Variants in GDAP2 observed in about 807,000 individuals in gnomAD.
The protein encoded by GDAP2 is ganglioside induced differentiation associated protein 2.
GDAP2 carries 51 observed loss-of-function variants against 67.0 expected under a neutral mutation model. The observed-to-expected ratio is 0.76, with a 90% CI of 0.61 to 0.96. The LOEUF (loss-of-function observed/expected upper bound fraction) is 0.96, where lower values mean the gene tolerates loss of function less well. Among genes scored for constraint, GDAP2 ranks in the 40% least tolerant of loss-of-function variants. The pLI is 0.00. For synonymous variants in GDAP2, 203 were observed against 207.3 expected, an observed-to-expected ratio of 0.98 and a Z score of 0.18; for missense variants, 547 against 588.3, an observed-to-expected ratio of 0.93 and a Z score of 0.73.
intron 9 of GDAP2, among the ~76,000 whole-genome samples, chr1:117,887,450 G>A (rs896412951): frequency 1.3e-5 from 2 of 152,242 alleles, no homozygotes; most frequent in Middle Eastern, 3.4e-3. Flanking sequence ...TTTAAAAGCA[G>A]AAACATTTTT....
chr1:117,890,159 T>C (rs1649018361), intron 8 of GDAP2, among the ~76,000 whole-genome samples: 1 of 152,010 alleles, frequency 6.6e-6, no homozygotes, highest in Non-Finnish European at 1.5e-5. Flanking sequence ...CAAATATGTA[T>C]GCTGAGAAGG....
At chr1:117,906,964 TA>T (rs1649679375) in intron 5 of GDAP2, among the ~76,000 whole-genome samples, 2 of 152,196 alleles carry the variant, frequency 1.3e-5, no homozygotes, top group Non-Finnish European at 2.9e-5. Flanking sequence ...TTATCCAGTA[TA>T]TTCTTCTTAT....
At chr1:117,915,222 A>G (rs980493343) in intron 3 of GDAP2, among the ~76,000 whole-genome samples, 1 of 152,246 alleles carries the variant, frequency 6.6e-6, no homozygotes, top group East Asian at 1.9e-4. Context: ...TGACTCCATT[A>G]GACATAATGT....
intron 3 of GDAP2, among the ~76,000 whole-genome samples, chr1:117,914,819 A>C (rs1649994439): frequency 6.6e-6 from 1 of 152,214 alleles, no homozygotes; most frequent in African/African-American, 2.4e-5. Context: ...TTTCTAAGCA[A>C]ATTACCAATT....
intron 10 of GDAP2, among the ~76,000 whole-genome samples, chr1:117,885,986 T>G (rs1648839527): frequency 1.3e-5 from 2 of 152,194 alleles, no homozygotes; most frequent in African/African-American, 4.8e-5. Context: ...AATAGATTAA[T>G]GGGTGTGATC....
chr1:117,873,038 T>C (rs936872216), intron 13 of GDAP2, among the ~76,000 whole-genome samples: 3 of 152,094 alleles, frequency 2.0e-5, no homozygotes, highest in Admixed American at 6.6e-5. Context: ...TTTTTCTAAG[T>C]TTTTCACACC....
intron 3 of GDAP2, among the ~76,000 whole-genome samples, chr1:117,914,990 CTG>C (rs1557808774): frequency 6.6e-6 from 1 of 151,996 alleles, no homozygotes; most frequent in Non-Finnish European, 1.5e-5. Context: ...AGAACAGTAA[CTG>C]TGCAGCAGGC....
At chr1:117,877,925 A>T in intron 13 of GDAP2, 84 bp downstream of exon 13, 2 of 1,481,324 alleles carry the variant, frequency 1.4e-6, no homozygotes, top group Non-Finnish European at 1.8e-6. Context: ...TCTGGTAATG[A>T]CAGGATGTTG....
chr1:117,926,735 A>T (rs1435089813), intron 1 of GDAP2, among the ~76,000 whole-genome samples: 1 of 152,184 alleles, frequency 6.6e-6, no homozygotes, highest in Non-Finnish European at 1.5e-5. Flanking sequence ...ATCACATGAA[A>T]GATACAGATC....
chr1:117,887,965 A>G (rs1648925455), intron 8 of GDAP2, among the ~76,000 whole-genome samples, 191 bp from the exon 9 acceptor site: 1 of 152,140 alleles, frequency 6.6e-6, no homozygotes, highest in Admixed American at 6.6e-5. Context: ...AATAAACACA[A>G]ATGAATTATT....
At chr1:117,912,776 C>T in intron 3 of GDAP2, 93 bp from the exon 4 acceptor site, 1 of 1,111,296 alleles carries the variant, frequency 9.0e-7, no homozygotes, top group Non-Finnish European at 1.3e-6. Context: ...GTATTGAGAA[C>T]TTTGAGAAAT....
In GDAP2 at chr1:117,878,035, G is replaced by C. The variant is rs1364074663; in HGVS notation, c.1420C>G (p.Pro474Ala). ...CTGGCATCATATTCAAGGACAAAAG[G>C]AGGAAAGTCAATCTGTTCTGGTGAT... The part of the protein sequence containing the change: ...AISPEQIDFP[P>A]FVLEYDAREN... The change falls in exon 13 of 14, where the codon CCT becomes GCT. Residue 474 changes from proline (P) to alanine (A), a missense_variant. Coordinates refer to ENST00000369443, the MANE Select transcript of GDAP2 (RefSeq NM_017686.4). The C allele has an allele frequency of 6.2e-7, 1 of 1,612,876 alleles. No homozygotes were observed. The highest frequency in any genetic ancestry group is 8.5e-7 in the Non-Finnish European group (1 of 1,178,970).
intron 8 of GDAP2, among the ~76,000 whole-genome samples, chr1:117,889,783 T>A (rs1649003355): frequency 6.6e-6 from 1 of 152,136 alleles, no homozygotes; most frequent in Non-Finnish European, 1.5e-5. Flanking sequence ...TACTAATTGT[T>A]TATAATGAGA....
At chr1:117,886,463 T>C in intron 10 of GDAP2, 114 bp downstream of exon 10, 1 of 658,736 alleles carries the variant, frequency 1.5e-6, no homozygotes, top group Non-Finnish European at 2.8e-6. Context: ...TGCTCCTCTG[T>C]CAGTGATACA....
intron 9 of GDAP2, among the ~76,000 whole-genome samples, chr1:117,887,486 AG>A (rs1300823604): frequency 6.6e-6 from 1 of 152,194 alleles, no homozygotes; most frequent in East Asian, 1.9e-4. Flanking sequence ...CATGAAATAA[AG>A]TTGGCCAATG....
chr1:117,873,027 T>G (rs1288172162), intron 13 of GDAP2, among the ~76,000 whole-genome samples: 1 of 152,124 alleles, frequency 6.6e-6, no homozygotes, highest in Non-Finnish European at 1.5e-5. Flanking sequence ...CTATTACCAA[T>G]TTTTTCTAAG....
At position 117,912,710 on chromosome 1, in the gene GDAP2, T is replaced by A. The variant is rs752068461; in HGVS notation, c.317-27A>T. ...TGAAAACAATGGAAACACACATAAG[T>A]TTGGATGTGTTAGGAAAACAGAAAC... is the stretch of plus-strand genomic sequence containing the variant. On this transcript the variant is annotated intron_variant, in intron 3 of 13. Transcript: ENST00000369443. The A allele has an allele frequency of 1.1e-5, 17 of 1,588,438 alleles. No homozygotes were observed. The Admixed American group carries it at 2.9e-4, about 27-fold the overall frequency.
chr1:117,921,002 A>T (rs959671121), intron 1 of GDAP2, among the ~76,000 whole-genome samples: 1 of 152,316 alleles, frequency 6.6e-6, no homozygotes, highest in East Asian at 1.9e-4. Flanking sequence ...AGACAGTGAT[A>T]TGGTAGGTGG....
intron 8 of GDAP2, among the ~76,000 whole-genome samples, chr1:117,893,979 G>C (rs1248252479): frequency 6.6e-6 from 1 of 152,074 alleles, no homozygotes; most frequent in African/African-American, 2.4e-5. Flanking sequence ...ATTTAGAGAA[G>C]AGTTGTATTT....
Sources: gnomAD v4.1 joint callset for allele counts (sites outside exome capture counted in the v4.1 genomes callset) on GRCh38, gnomAD v4.1.1 for gene constraint, MANE v1.5 for transcripts, NCBI Gene and HGNC (gene_info 2026-07-23, HGNC 2026-07-21) for gene names.